CELF2: variants seen among roughly 807,000 people sequenced by gnomAD.
The protein encoded by CELF2 is CUGBP Elav-like family member 2.
CELF2 carries 8 observed loss-of-function variants against 62.6 expected under a neutral mutation model. That is an observed-to-expected ratio of 0.13 (90% CI 0.07 to 0.23). The LOEUF is 0.23. Ranked by LOEUF, CELF2 falls within the 10% of genes least tolerant of loss-of-function variation. The pLI, the probability that CELF2 is intolerant of heterozygous loss-of-function variation, is 1.00. For missense variants in CELF2, 333 were observed against 671.0 expected (o/e 0.50, Z 5.56); for synonymous variants, 258 against 250.0 (o/e 1.03, Z -0.30).
intron 1 of CELF2, among the ~76,000 whole-genome samples, chr10:11,048,270 A>G (rs1594007290): frequency 6.6e-6 from 1 of 152,362 alleles, no homozygotes; most frequent in South Asian, 2.1e-4. Context: ...ACTCTTGACA[A>G]TAGAAAAGTT....
chr10:10,538,542 C>A, the CELF2 span, among the ~76,000 whole-genome samples: 2 of 152,168 alleles, frequency 1.3e-5, no homozygotes, highest in Admixed American at 6.5e-5. Context: ...CATTATCTGT[C>A]CCTAGAGTCT....
At position 11,145,007 on chromosome 10, in the gene CELF2, G is replaced by A. The variant is rs752997413; in HGVS notation, c.75-20479G>A. On this transcript the variant is annotated intron_variant, in intron 1 of 12. Coordinates refer to ENST00000633077, the MANE Select transcript of CELF2 (RefSeq NM_001326342.2). The surrounding 1 kb of genome is among the most constrained non-coding windows in gnomAD (Gnocchi z 4.3). ...AGACTTTCTTGTTTATTTCTGTGTC[G>A]AAGGCAAGGCAGCTTAATAGAATTT... is the stretch of plus-strand genomic sequence containing the variant. Among the ~76,000 whole-genome samples, 2 of 151,578 alleles carry A rather than the reference G, an allele frequency of 1.3e-5. No individual in the cohort carries two copies. Among genetic ancestry groups the A allele is most frequent in the African/African-American group, 2.4e-5 (1 of 41,206 alleles).
chr10:10,852,423 G>A (rs1384951478), intron 1 of CELF2, among the ~76,000 whole-genome samples: 1 of 152,216 alleles, frequency 6.6e-6, no homozygotes, highest in Non-Finnish European at 1.5e-5. Context: ...GAATGGATTA[G>A]TAGGTGCTGG....
At chr10:11,170,300 G>A (rs1214392114) in intron 2 of CELF2, among the ~76,000 whole-genome samples, 2 of 152,182 alleles carry the variant, frequency 1.3e-5, no homozygotes, top group African/African-American at 2.4e-5. Flanking sequence ...GAGACACTTC[G>A]TACAAGCGCC....
intron 2 of CELF2, among the ~76,000 whole-genome samples, chr10:10,979,989 T>G (rs1003944083): frequency 3.9e-5 from 6 of 152,226 alleles, no homozygotes; most frequent in African/African-American, 1.4e-4. Flanking sequence ...TTGACAGTGC[T>G]TGTAGAAGCA....
chr10:10,816,732 T>C (rs778818475), intron 1 of CELF2, among the ~76,000 whole-genome samples: 1 of 152,226 alleles, frequency 6.6e-6, no homozygotes, highest in Non-Finnish European at 1.5e-5. Context: ...CTTCCTTGCT[T>C]TGCCATTAAA....
the CELF2 span, among the ~76,000 whole-genome samples, chr10:10,593,388 A>G: frequency 2.6e-5 from 4 of 152,204 alleles, no homozygotes; most frequent in East Asian, 7.7e-4. Flanking sequence ...CTCATCCTCC[A>G]GAAAGTTCAC....
intron 1 of CELF2, among the ~76,000 whole-genome samples, chr10:10,914,170 T>C (rs1159399997): frequency 1.3e-5 from 2 of 152,072 alleles, no homozygotes; most frequent in African/African-American, 4.8e-5. Context: ...GGGAAAAAAA[T>C]TAAAGATACA....
chr10:11,037,280 G>A (rs143172294), intron 1 of CELF2, among the ~76,000 whole-genome samples: 436 of 152,328 alleles, frequency 2.9e-3, no homozygotes, highest in African/African-American at 9.7e-3. Context: ...TTACTGTCGT[G>A]AGAACAGCGT....
At chr10:11,254,043 G>A (rs17452884) in intron 4 of CELF2, among the ~76,000 whole-genome samples, 8,893 of 152,146 alleles carry the variant, frequency 0.058, 374 homozygotes, top group Middle Eastern at 0.12. Context: ...CTTAGTGCCC[G>A]TGAATACTCA....
intron 2 of CELF2, among the ~76,000 whole-genome samples, chr10:10,926,811 T>C (rs2065516385): frequency 1.3e-5 from 2 of 152,168 alleles, no homozygotes; most frequent in African/African-American, 4.8e-5. Context: ...ACTTAAAGAA[T>C]GGCATCCATG....
rs2079281543 is a variant in CELF2 at position 11,257,855 on chromosome 10, C to T, written c.521C>T (p.Pro174Leu). ...QIEECRILRGPDGLSRGCAFV... is the reference protein window; with the variant it reads ...QIEECRILRGLDGLSRGCAFV... ...GAAGAATGCCGGATCCTCCGGGGAC[C>T]TGATGGGCTGAGTCGAGGTGAGTGT... The change falls in exon 5 of 13, where the codon CCT becomes CTT. Residue 174 changes from proline to leucine, a missense_variant. Physicochemically the swap from Pro to Leu is moderately conservative, Grantham distance 98 (BLOSUM62 -3). Coordinates refer to ENST00000633077, the MANE Select transcript of CELF2 (RefSeq NM_001326342.2). 1 of 1,614,060 alleles carries T rather than the reference C, an allele frequency of 6.2e-7. No homozygotes were observed. Among genetic ancestry groups the T allele is most frequent in the Non-Finnish European group, 8.5e-7 (1 of 1,180,038 alleles).
At chr10:10,692,068 C>G in the CELF2 span, among the ~76,000 whole-genome samples, 3 of 150,826 alleles carry the variant, frequency 2.0e-5, no homozygotes, top group Non-Finnish European at 4.4e-5. Flanking sequence ...GTGTTTTAGA[C>G]ATGAAGTCCT....
Position 11,319,214 on chromosome 10 carries a change from G to A in CELF2, c.1097-1975G>A, listed in dbSNP as rs1257420480. The A allele has an allele frequency of 2.4e-6, 1 of 410,314 alleles. No individual in the cohort carries two copies. The highest frequency in any genetic ancestry group is 5.0e-6 in the Non-Finnish European group (1 of 198,430). 25.4% of individuals were successfully genotyped at this position (410,314 alleles called of 1,614,324 possible). A position where few individuals can be genotyped will look rare whatever the true frequency, so the allele number is the denominator to read the frequency against. ...ATCCACAGCACCCGTTAACAGCCTG[G>A]CCAAAGTGAGACCAACAGAATTTAT... On this transcript the variant is annotated intron_variant, in intron 10 of 12. Transcript: ENST00000633077. This position sits in a 1 kb window ranked among gnomAD's most constrained non-coding sequence, Gnocchi z 4.4.
the CELF2 span, among the ~76,000 whole-genome samples, chr10:10,530,302 CA>C: frequency 1.3e-5 from 2 of 152,088 alleles, no homozygotes; most frequent in Non-Finnish European, 2.9e-5. Flanking sequence ...TGCTCTGCTA[CA>C]AGGGTTTGTG....
the CELF2 span, among the ~76,000 whole-genome samples, chr10:10,621,270 A>G: frequency 3.4e-3 from 511 of 149,730 alleles, 7 homozygotes; most frequent in Non-Finnish European, 4.6e-3. Context: ...AAAAAAGGCT[A>G]CAGTAGAATG....
the CELF2 span, among the ~76,000 whole-genome samples, chr10:10,775,686 C>T: frequency 6.6e-6 from 1 of 151,884 alleles, no homozygotes; most frequent in African/African-American, 2.4e-5. Flanking sequence ...CAGGGGCCTC[C>T]TAGGGCATCA....
At chr10:10,878,137 C>A (rs546459975) in intron 1 of CELF2, among the ~76,000 whole-genome samples, 36 of 152,304 alleles carry the variant, frequency 2.4e-4, no homozygotes, top group African/African-American at 8.4e-4. Flanking sequence ...CAGAAATGAA[C>A]ACCACCTCCT....
chr10:11,323,642 C>T (rs2095571047), intron 11 of CELF2, among the ~76,000 whole-genome samples: 1 of 152,010 alleles, frequency 6.6e-6, no homozygotes, highest in Non-Finnish European at 1.5e-5. Flanking sequence ...CAAACGTCCC[C>T]AGTTCTTTAT....
Sources: allele counts gnomAD v4.1 joint callset (sites outside exome capture counted in the v4.1 genomes callset), GRCh38; gene constraint gnomAD v4.1.1; non-coding constraint Gnocchi (gnomAD v3.1); transcripts MANE v1.5; gene names NCBI Gene and HGNC (gene_info 2026-07-23, HGNC 2026-07-21).